The following CAST variants were observed in gnomAD, a reference collection of about 807,000 sequenced individuals.
CAST encodes MIR583 host.
Under a neutral mutation model 119.6 loss-of-function variants are expected in CAST, and 76 were observed. The ratio of observed to expected loss-of-function variants is 0.64; its 90% CI spans 0.53 to 0.77. The LOEUF (loss-of-function observed/expected upper bound fraction) is 0.77. Among genes scored for constraint, CAST ranks in the 30% least tolerant of loss-of-function variants. CAST has a pLI of 0.00. For synonymous variants in CAST, 319 were observed against 331.6 expected, an observed-to-expected ratio of 0.96 and a Z score of 0.41; for missense variants, 953 against 946.5, an observed-to-expected ratio of 1.01 and a Z score of -0.09.
chr5:96,707,355 G>C (rs1300363661), intron 3 of CAST, among the ~76,000 whole-genome samples: 1 of 151,354 alleles, frequency 6.6e-6, no homozygotes, highest in African/African-American at 2.4e-5. Context: ...AAATGATTTT[G>C]GGTCTGCTTT....
At chr5:96,133,494 T>G in the CAST span, among the ~76,000 whole-genome samples, 6 of 152,286 alleles carry the variant, frequency 3.9e-5, no homozygotes, top group East Asian at 9.6e-4. Flanking sequence ...GTAACATTCT[T>G]TACGACATGA....
intron 27 of CAST, 65 bp downstream of exon 27, chr5:96,766,210 T>C (rs2150731384): frequency 1.1e-6 from 1 of 888,114 alleles, no homozygotes; most frequent in Non-Finnish European, 1.9e-6. Flanking sequence ...AAACCTCCCT[T>C]GAAATAAATA....
At chr5:96,753,822 C>T (rs1275917231) in intron 20 of CAST, among the ~76,000 whole-genome samples, 4 of 152,288 alleles carry the variant, frequency 2.6e-5, no homozygotes, top group South Asian at 2.1e-4. Context: ...GGTCAGGTCT[C>T]GTAAGTTTCA....
the CAST span, among the ~76,000 whole-genome samples, chr5:96,376,780 A>G: frequency 1.3e-5 from 2 of 152,176 alleles, no homozygotes; most frequent in Non-Finnish European, 2.9e-5. Flanking sequence ...GTGTACTTCT[A>G]CATATATATA....
At chr5:96,340,817 T>C in the CAST span, among the ~76,000 whole-genome samples, 1 of 152,216 alleles carries the variant, frequency 6.6e-6, no homozygotes, top group African/African-American at 2.4e-5. Context: ...CTACGCAGTA[T>C]ATACTATGAC....
rs761429119 is a variant in CAST at position 96,722,626 on chromosome 5, C to T, written c.211-13C>T. On this transcript the variant is annotated splice_polypyrimidine_tract_variant and intron_variant, in intron 3 of 31. Coordinates refer to ENST00000675179, the MANE Select transcript of CAST (RefSeq NM_001750.7). ...ATAGAATCGAACTTTCTATTTCTTT[C>T]TTTCCTTTCTAGGTGTCAGCTTCCT... is the stretch of plus-strand genomic sequence containing the variant. The T allele has an allele frequency of 6.2e-7, 1 of 1,603,036 alleles. No homozygotes were observed. Among genetic ancestry groups the T allele is most frequent in the Non-Finnish European group, 8.5e-7 (1 of 1,169,918 alleles).
chr5:96,039,743 G>C, the CAST span, among the ~76,000 whole-genome samples: 12 of 152,114 alleles, frequency 7.9e-5, no homozygotes, highest in Non-Finnish European at 1.5e-5. Context: ...TATCTGTTTT[G>C]ATACCAGTAT....
intron 1 of CAST, among the ~76,000 whole-genome samples, chr5:96,619,045 T>C (rs1390966039): frequency 6.6e-6 from 1 of 152,096 alleles, no homozygotes; most frequent in Non-Finnish European, 1.5e-5. Flanking sequence ...TGTGTCTAGC[T>C]AAAGGTTTGT....
intron 1 of CAST, among the ~76,000 whole-genome samples, chr5:96,633,695 C>T (rs1747849990): frequency 6.6e-6 from 1 of 152,158 alleles, no homozygotes; most frequent in East Asian, 1.9e-4. Flanking sequence ...GGGCAAAGAC[C>T]ATCATGTTCT....
At chr5:96,735,761 G>A (rs1353763535) in intron 9 of CAST, among the ~76,000 whole-genome samples, 3 of 151,922 alleles carry the variant, frequency 2.0e-5, no homozygotes, top group East Asian at 1.9e-4. Flanking sequence ...AGATGCCGAA[G>A]TGAGGGATAT....
the CAST span, among the ~76,000 whole-genome samples, chr5:96,267,766 C>G: frequency 6.6e-6 from 1 of 152,126 alleles, no homozygotes; most frequent in Non-Finnish European, 1.5e-5. Context: ...ATTAAATACA[C>G]TAACAAACCC....
chr5:96,410,847 G>A, the CAST span: 3 of 1,614,122 alleles, frequency 1.9e-6, no homozygotes, highest in Non-Finnish European at 2.5e-6. Context: ...AGCGTACCAG[G>A]GGGATAGGCC....
the CAST span, among the ~76,000 whole-genome samples, chr5:96,165,470 C>T: frequency 6.6e-6 from 1 of 152,038 alleles, no homozygotes; most frequent in Admixed American, 6.5e-5. Flanking sequence ...TTTTTCCCTG[C>T]TGAATAACTA....
chr5:96,288,327 G>A, the CAST span, among the ~76,000 whole-genome samples: 1 of 152,050 alleles, frequency 6.6e-6, no homozygotes, highest in Non-Finnish European at 1.5e-5. Flanking sequence ...AATTATTTTT[G>A]TTTTCTCACC....
the CAST span, among the ~76,000 whole-genome samples, chr5:96,493,959 T>C: frequency 1.3e-5 from 2 of 152,116 alleles, no homozygotes; most frequent in Non-Finnish European, 2.9e-5. Flanking sequence ...CGCTTGAACC[T>C]GGGAGGCAGA....
At chr5:96,385,781 C>T in the CAST span, among the ~76,000 whole-genome samples, 1 of 152,172 alleles carries the variant, frequency 6.6e-6, no homozygotes, top group Non-Finnish European at 1.5e-5. Flanking sequence ...TTGCAAATTA[C>T]AAGGCAGTTA....
chr5:96,537,058 C>T (rs1027596063), intron 1 of CAST, among the ~76,000 whole-genome samples: 19 of 152,152 alleles, frequency 1.2e-4, no homozygotes, highest in Non-Finnish European at 2.2e-4. Flanking sequence ...AATACAAATA[C>T]GACTAAAATA....
At chr5:96,498,220 T>C in the CAST span, among the ~76,000 whole-genome samples, 1 of 152,224 alleles carries the variant, frequency 6.6e-6, no homozygotes. Context: ...CATTGGTCTA[T>C]ATCTGTGTTT....
At chr5:96,582,064 A>C (rs79631143) in intron 1 of CAST, among the ~76,000 whole-genome samples, 2,011 of 152,302 alleles carry the variant, frequency 0.013, 51 homozygotes, top group African/African-American at 0.047. Context: ...CGAGGTCATA[A>C]GAAATACTGT....
Sources: allele counts gnomAD v4.1 joint callset (sites outside exome capture counted in the v4.1 genomes callset), GRCh38; gene constraint gnomAD v4.1.1; transcripts MANE v1.5; gene names NCBI Gene and HGNC (gene_info 2026-07-23, HGNC 2026-07-21).